The following EPO variants were observed in gnomAD, a reference collection of about 807,000 sequenced individuals.
The protein encoded by EPO is epoetin.
EPO carries 12 observed loss-of-function variants against 24.4 expected under a neutral mutation model. That is an observed-to-expected ratio of 0.49 (90% confidence interval 0.32 to 0.80). The LOEUF (loss-of-function observed/expected upper bound fraction) is 0.80. Among genes scored for constraint, EPO ranks in the 30% least tolerant of loss-of-function variants. The probability of loss-of-function intolerance (pLI) is 0.04; values close to 1 mark genes in which losing one functional copy is unlikely to be tolerated. For synonymous variants in EPO, 107 were observed against 104.0 expected (o/e 1.03, Z -0.18); for missense variants, 210 against 238.0 (o/e 0.88, Z 0.77).
At position 100,720,476 on chromosome 7, in the gene EPO, A is replaced by G. The variant is rs915000508; in HGVS notation, c.-505A>G. On this transcript the variant is annotated 5_prime_UTR_variant, in exon 1 of 5. Transcript: ENST00000252723. The stretch of plus-strand genomic sequence containing the variant: ...GGTGTCCGGGAGCCCAGCCTTTCCC[A>G]GATAGCACGCTCCGCCAGTCCCAAG... Among the ~76,000 whole-genome samples, 4 of 152,058 alleles carry G rather than the reference A, an allele frequency of 2.6e-5. No homozygotes were observed. The East Asian group carries it at 7.7e-4, about 29-fold the overall frequency.
chr7:100,720,926 G>A lies in EPO; in HGVS notation c.-55G>A. 3 of 1,529,734 alleles carry A rather than the reference G, an allele frequency of 2.0e-6. No homozygotes were observed. Among genetic ancestry groups the A allele is most frequent in the Non-Finnish European group, 2.6e-6 (3 of 1,140,900 alleles). 94.8% of individuals were successfully genotyped at this position (1,529,734 alleles called of 1,614,324 possible). A position where few individuals can be genotyped will look rare whatever the true frequency, so the allele number is the denominator to read the frequency against. On this transcript the variant is annotated 5_prime_UTR_variant, in exon 1 of 5. Coordinates refer to ENST00000252723, the MANE Select transcript of EPO (RefSeq NM_000799.4). The stretch of plus-strand genomic sequence containing the variant: ...CGAGCTTCCCGGGATGAGGGCCCCC[G>A]GTGTGGTCACCCGGCGCGCCCCAGG...
At position 100,723,156 on chromosome 7, in the gene EPO, A is replaced by T. The variant is rs754101715; in HGVS notation, c.*23A>T. ...TGACCAGGTGTGTCCACCTGGGCAT[A>T]TCCACCACCTCCCTCACCAACATTG... On this transcript the variant is annotated 3_prime_UTR_variant, in exon 5 of 5. Transcript: ENST00000252723. The T allele has an allele frequency of 1.2e-6, 2 of 1,605,436 alleles. No homozygotes were observed. The highest frequency in any genetic ancestry group is 1.7e-6 in the Non-Finnish European group (2 of 1,174,928).
At chr7:100,722,075 T>C (rs1294115342) in intron 3 of EPO, 27 bp downstream of exon 3, 15 of 1,497,266 alleles carry the variant, frequency 1.0e-5, no homozygotes, top group Non-Finnish European at 1.3e-5. Flanking sequence ...TTTTTTTTCC[T>C]TTCTTTTGGA....
rs199674511 is a variant in EPO at position 100,721,524 on chromosome 7, C to T, written c.14-34C>T. 23 of 1,605,760 alleles carry T rather than the reference C, an allele frequency of 1.4e-5. No homozygotes were observed. The highest frequency in any genetic ancestry group is 4.4e-5 in the South Asian group (4 of 90,530). On this transcript the variant is annotated intron_variant, in intron 1 of 4. Transcript: ENST00000252723. This position sits in a 1 kb window ranked among gnomAD's most constrained non-coding sequence, Gnocchi z 4.0. ...CCTTCCACAGCCACCCTTCTCCCTC[C>T]CCGCCTGACTCTCAGCCTGGCTATC...
chr7:100,722,067 T>C lies in EPO; in HGVS notation c.246+19T>C. 6.3e-7 allele frequency: 1 copy of C among 1,574,810 alleles called. No homozygotes were observed. The highest frequency in any genetic ancestry group is 8.6e-7 in the Non-Finnish European group (1 of 1,167,476). ...GATGGAGGTGAGTTCCTTTTTTTTT[T>C]TTTTTCCTTTCTTTTGGAGAATCTC... On this transcript the variant is annotated intron_variant, in intron 3 of 4. Transcript: ENST00000252723.
At position 100,723,312 on chromosome 7, in the gene EPO, A is replaced by G. The variant is rs184441242; in HGVS notation, c.*179A>G. ...GGCCAGAGGAACTGTCCAGAGAGCAACTCTGAGATCTAAGGATGTCACAGG... is the reference window on the plus strand; with the variant it reads ...GGCCAGAGGAACTGTCCAGAGAGCAGCTCTGAGATCTAAGGATGTCACAGG... On this transcript the variant is annotated 3_prime_UTR_variant, in exon 5 of 5. Coordinates refer to ENST00000252723, the MANE Select transcript of EPO (RefSeq NM_000799.4). 1.4e-6 allele frequency: 1 copy of G among 692,492 alleles called. No homozygotes were observed. Among genetic ancestry groups the G allele is most frequent in the East Asian group, 2.9e-5 (1 of 34,758 alleles). 42.9% of individuals were successfully genotyped at this position (692,492 alleles called of 1,614,324 possible). A position where few individuals can be genotyped will look rare whatever the true frequency, so the allele number is the denominator to read the frequency against.
rs1169321163 is a variant in EPO at position 100,721,226 on chromosome 7, GGAA to G, written c.13+238_13+240del. Among the ~76,000 whole-genome samples the G allele has an allele frequency of 2.0e-5, 3 of 152,144 alleles. No individual in the cohort carries two copies. Among genetic ancestry groups the G allele is most frequent in the African/African-American group, 4.8e-5 (2 of 41,424 alleles). On this transcript the variant is annotated intron_variant, in intron 1 of 4. Transcript: ENST00000252723. This position sits in a 1 kb window ranked among gnomAD's most constrained non-coding sequence, Gnocchi z 4.0. ...AGGGGACACAGTTTGGGGGTTGAGG[GGAA>G]GAAGGTTTGGGGGTTCTGCTGTGCC...
intron 3 of EPO, 138 bp downstream of exon 3, chr7:100,722,186 C>A: frequency 1.3e-6 from 1 of 782,652 alleles, no homozygotes; most frequent in Non-Finnish European, 2.0e-6. Flanking sequence ...CAGAGGCTCA[C>A]GTCTATAATC....
At position 100,722,753 on chromosome 7, in the gene EPO, C is replaced by G; in HGVS notation, c.336C>G (p.Ser112=). The G allele has an allele frequency of 6.2e-7, 1 of 1,613,944 alleles. No individual in the cohort carries two copies. Among genetic ancestry groups the G allele is most frequent in the Non-Finnish European group, 8.5e-7 (1 of 1,179,972 alleles). The change falls in exon 4 of 5, where the codon TCC becomes TCG. Residue 112 remains serine, a synonymous_variant. Transcript: ENST00000252723. ...GCCAGGCCCTGTTGGTCAACTCTTC[C>G]CAGCCGTGGGAGCCCCTGCAGCTGC... is the stretch of plus-strand genomic sequence containing the variant. The part of the protein sequence containing the change: ...LRGQALLVNS[S]QPWEPLQLHV...
chr7:100,722,213 G>A (rs951278338), intron 3 of EPO, among the ~76,000 whole-genome samples, 165 bp downstream of exon 3: 7 of 152,144 alleles, frequency 4.6e-5, no homozygotes, highest in Non-Finnish European at 8.8e-5. Flanking sequence ...TGAGATGGCC[G>A]AGATGGGAGA....
At chr7:100,722,126 T>G in intron 3 of EPO, 78 bp downstream of exon 3, 1 of 1,340,534 alleles carries the variant, frequency 7.5e-7, no homozygotes, top group Non-Finnish European at 1.0e-6. Context: ...AAAGGGAGAA[T>G]GATCGAGGGA....
In EPO at chr7:100,721,800, A is replaced by C; in HGVS notation, c.159+97A>C. 6.5e-7 allele frequency: 1 copy of C among 1,527,614 alleles called. No homozygotes were observed. The highest frequency in any genetic ancestry group is 1.3e-5 in the South Asian group (1 of 79,174). The allele number at this position is 1,527,614 out of a possible 1,614,324, so 94.6% of individuals were successfully genotyped here. A position where few individuals can be genotyped will look rare whatever the true frequency, so the allele number is the denominator to read the frequency against. On this transcript the variant is annotated intron_variant, in intron 2 of 4. Coordinates refer to ENST00000252723, the MANE Select transcript of EPO (RefSeq NM_000799.4). The surrounding 1 kb of genome is among the most constrained non-coding windows in gnomAD (Gnocchi z 4.0). ...GAACCTGGCACTTGGTTTGGGGTGG[A>C]GTTGGGAAGCTAGACACTGCCCCCC... is the stretch of plus-strand genomic sequence containing the variant.
intron 3 of EPO, 99 bp from the exon 4 acceptor site, chr7:100,722,565 C>A: frequency 1.1e-6 from 1 of 922,838 alleles, no homozygotes; most frequent in Non-Finnish European, 1.7e-6. Context: ...AGTCTTATTG[C>A]ATACCTTCTG....
In EPO at chr7:100,721,119, A is replaced by T; in HGVS notation, c.13+126A>T. 1 of 262,760 alleles carries T rather than the reference A, an allele frequency of 3.8e-6. No homozygotes were observed. Among genetic ancestry groups the T allele is most frequent in the South Asian group, 3.5e-5 (1 of 28,332 alleles). 16.3% of individuals were successfully genotyped at this position (262,760 alleles called of 1,614,324 possible). On this transcript the variant is annotated intron_variant, in intron 1 of 4. Coordinates refer to ENST00000252723, the MANE Select transcript of EPO (RefSeq NM_000799.4). This position sits in a 1 kb window ranked among gnomAD's most constrained non-coding sequence, Gnocchi z 4.0. ...CCGGCGACTTGTCAAGGACCCCGGA[A>T]GGGGGAGGGGGGTGGGGCAGCCTCC... is the stretch of plus-strand genomic sequence containing the variant.
At position 100,721,817 on chromosome 7, in the gene EPO, C is replaced by T; in HGVS notation, c.159+114C>T. The T allele has an allele frequency of 6.7e-7, 1 of 1,501,870 alleles. No individual in the cohort carries two copies. The highest frequency in any genetic ancestry group is 8.9e-7 in the Non-Finnish European group (1 of 1,119,938). The allele number at this position is 1,501,870 out of a possible 1,614,324, so 93.0% of individuals were successfully genotyped here. A position where few individuals can be genotyped will look rare whatever the true frequency, so the allele number is the denominator to read the frequency against. The stretch of plus-strand genomic sequence containing the variant: ...TGGGGTGGAGTTGGGAAGCTAGACA[C>T]TGCCCCCCTACATAAGAATAAGTCT... On this transcript the variant is annotated intron_variant, in intron 2 of 4. Transcript: ENST00000252723. This position sits in a 1 kb window ranked among gnomAD's most constrained non-coding sequence, Gnocchi z 4.0.
At position 100,721,963 on chromosome 7, in the gene EPO, C is replaced by G. The variant is rs201069425; in HGVS notation, c.161C>G (p.Thr54Arg). 30 of 1,605,276 alleles carry G rather than the reference C, an allele frequency of 1.9e-5. No individual in the cohort carries two copies. Among genetic ancestry groups the G allele is most frequent in the Non-Finnish European group, 2.4e-5 (28 of 1,177,832 alleles). The change falls in exon 3 of 5, where the codon ACG becomes AGG. Residue 54 changes from threonine to arginine, a missense_variant and splice_region_variant. By Grantham distance (71) the Thr-to-Arg change is moderately conservative. Coordinates refer to ENST00000252723, the MANE Select transcript of EPO (RefSeq NM_000799.4). The surrounding 1 kb of genome is among the most constrained non-coding windows in gnomAD (Gnocchi z 4.0). The stretch of plus-strand genomic sequence containing the variant: ...CTCCCCGGGCTGTGTGCATTTCAGA[C>G]GGGCTGTGCTGAACACTGCAGCTTG... Reference protein sequence around the residue: ...LEAKEAENITTGCAEHCSLNE... With the variant: ...LEAKEAENITRGCAEHCSLNE...
In EPO at chr7:100,720,852, C is replaced by T; in HGVS notation, c.-129C>T. 3.4e-6 allele frequency: 4 copies of T among 1,193,204 alleles called. No homozygotes were observed. Among genetic ancestry groups the T allele is most frequent in the Non-Finnish European group, 4.4e-6 (4 of 919,508 alleles). 73.9% of individuals were successfully genotyped at this position (1,193,204 alleles called of 1,614,324 possible). A position where few individuals can be genotyped will look rare whatever the true frequency, so the allele number is the denominator to read the frequency against. ...CCGCTCTGCTCCGACACCGCGCCCC[C>T]TGGACAGCCGCCCTCTCCTCCAGGC... is the stretch of plus-strand genomic sequence containing the variant. On this transcript the variant is annotated 5_prime_UTR_variant, in exon 1 of 5. Transcript: ENST00000252723.
In EPO at chr7:100,720,915, T is replaced by C; in HGVS notation, c.-66T>C. 1 of 1,509,118 alleles carries C rather than the reference T, an allele frequency of 6.6e-7. No individual in the cohort carries two copies. The highest frequency in any genetic ancestry group is 8.8e-7 in the Non-Finnish European group (1 of 1,131,710). 93.5% of individuals were successfully genotyped at this position (1,509,118 alleles called of 1,614,324 possible). On this transcript the variant is annotated 5_prime_UTR_variant, in exon 1 of 5. The change abolishes an upstream ATG in the 5' untranslated region. Coordinates refer to ENST00000252723, the MANE Select transcript of EPO (RefSeq NM_000799.4). ...CCCTGCACCGCCGAGCTTCCCGGGA[T>C]GAGGGCCCCCGGTGTGGTCACCCGG...
Position 100,721,827 on chromosome 7 carries a change from A to T in EPO, c.159+124A>T. On this transcript the variant is annotated intron_variant, in intron 2 of 4. Coordinates refer to ENST00000252723, the MANE Select transcript of EPO (RefSeq NM_000799.4). The surrounding 1 kb of genome is among the most constrained non-coding windows in gnomAD (Gnocchi z 4.0). ...TTGGGAAGCTAGACACTGCCCCCCTACATAAGAATAAGTCTGGTGGCCCCA... is the reference window on the plus strand; with the variant it reads ...TTGGGAAGCTAGACACTGCCCCCCTTCATAAGAATAAGTCTGGTGGCCCCA... The T allele has an allele frequency of 2.0e-6, 3 of 1,496,406 alleles. No individual in the cohort carries two copies. The highest frequency in any genetic ancestry group is 2.7e-6 in the Non-Finnish European group (3 of 1,114,268). The allele number at this position is 1,496,406 out of a possible 1,614,324, so 92.7% of individuals were successfully genotyped here. A position where few individuals can be genotyped will look rare whatever the true frequency, so the allele number is the denominator to read the frequency against.
Sources: allele counts gnomAD v4.1 joint callset (sites outside exome capture counted in the v4.1 genomes callset), GRCh38; gene constraint gnomAD v4.1.1; non-coding constraint Gnocchi (gnomAD v3.1); transcripts MANE v1.5; gene names NCBI Gene and HGNC (gene_info 2026-07-23, HGNC 2026-07-21).